The following DISC1 variants were observed in gnomAD, a reference collection of about 807,000 sequenced individuals.
DISC1 encodes disrupted in schizophrenia 1 protein.
A neutral mutation model predicts 84.5 loss-of-function variants in DISC1; 57 were observed. The ratio of observed to expected loss-of-function variants is 0.67; its 90% CI spans 0.55 to 0.84. The LOEUF (loss-of-function observed/expected upper bound fraction) is 0.84, where lower values mean the gene tolerates loss of function less well. Among genes scored for constraint, DISC1 ranks in the 40% least tolerant of loss-of-function variants. The probability of loss-of-function intolerance (pLI) is 0.00; values close to 1 mark genes in which losing one functional copy is unlikely to be tolerated. For synonymous variants in DISC1, 411 were observed against 415.2 expected, an observed-to-expected ratio of 0.99 and a Z score of 0.12; for missense variants, 1,000 against 1,057.8, an observed-to-expected ratio of 0.95 and a Z score of 0.76.
chr1:231,730,192 C>T (rs908358627), intron 3 of DISC1, among the ~76,000 whole-genome samples: 1 of 152,188 alleles, frequency 6.6e-6, no homozygotes, highest in Non-Finnish European at 1.5e-5. Context: ...ACAGTGAACA[C>T]TGACTGCAAC....
In DISC1 at chr1:232,040,513, C is replaced by A. The variant is rs1379685446; in HGVS notation, c.*3682C>A. The A allele has an allele frequency of 6.6e-6, 1 of 152,114 alleles. No individual in the cohort carries two copies. The highest frequency in any genetic ancestry group is 1.5e-5 in the Non-Finnish European group (1 of 68,022). The allele number at this position is 152,114 out of a possible 1,614,324, so 9.4% of individuals were successfully genotyped here. ...GTGTTTGTAGATGATGCAACTGAGCCTTAAGAGGACTAATTCCCTTTTTCT... is the reference window on the plus strand; with the variant it reads ...GTGTTTGTAGATGATGCAACTGAGCATTAAGAGGACTAATTCCCTTTTTCT... On this transcript the variant is annotated 3_prime_UTR_variant, in exon 13 of 13. Coordinates refer to ENST00000439617, the MANE Select transcript of DISC1 (RefSeq NM_018662.3).
At chr1:231,848,301 T>C (rs376813001) in intron 9 of DISC1, among the ~76,000 whole-genome samples, 9 of 152,184 alleles carry the variant, frequency 5.9e-5, no homozygotes, top group East Asian at 3.9e-4. Context: ...ACTGTATTCA[T>C]ACCCTGCAGT....
At chr1:231,749,715 GA>G (rs2074393176) in intron 3 of DISC1, among the ~76,000 whole-genome samples, 2 of 152,198 alleles carry the variant, frequency 1.3e-5, no homozygotes, top group Admixed American at 1.3e-4. Context: ...AGAGTTAAAA[GA>G]ATAAAAGATA....
chr1:231,776,635 C>T (rs1413968074), intron 6 of DISC1, among the ~76,000 whole-genome samples: 1 of 152,218 alleles, frequency 6.6e-6, no homozygotes, highest in East Asian at 1.9e-4. Context: ...CAGGGTGCTG[C>T]AGGCATCCTC....
intron 1 of DISC1, among the ~76,000 whole-genome samples, chr1:231,655,368 G>A (rs1222333657): frequency 6.6e-6 from 1 of 152,176 alleles, no homozygotes; most frequent in East Asian, 1.9e-4. Context: ...CCACTCCTGA[G>A]TTAGTTCACT....
At chr1:231,865,759 A>C (rs12058141) in intron 9 of DISC1, among the ~76,000 whole-genome samples, 1,667 of 152,346 alleles carry the variant, frequency 0.011, 33 homozygotes, top group African/African-American at 0.038. Flanking sequence ...GAAACAGTAC[A>C]TGAGAGAAGT....
intron 9 of DISC1, among the ~76,000 whole-genome samples, chr1:231,921,058 C>A (rs1378894764): frequency 6.6e-6 from 1 of 151,954 alleles, no homozygotes; most frequent in Non-Finnish European, 1.5e-5. Flanking sequence ...AGGCATGCGC[C>A]ACCAAGCCTG....
rs776775347 is a variant in DISC1, at chr1:231,767,246, C to G, written c.1375C>G (p.Leu459Val). The stretch of plus-strand genomic sequence containing the variant: ...GTCCATCACGAGACGAGACTGGCTT[C>G]TTCAGGAAAAGCAGCAGCTACAGGT... ...HVSITRRDWLLQEKQQLQKEI... is the reference protein window; with the variant it reads ...HVSITRRDWLVQEKQQLQKEI... The change falls in exon 5 of 13, where the codon CTT (leucine) becomes GTT (valine). Residue 459 changes from leucine (L) to valine (V), a missense_variant. Leu to Val is a conservative substitution (Grantham distance 32). Around this residue, in one of 3 missense-constraint regions of DISC1, gnomAD observed 311 missense variants for 400.1 expected, o/e 0.78. Transcript: ENST00000439617. The G allele has an allele frequency of 9.3e-6, 15 of 1,614,062 alleles. No individual in the cohort carries two copies. The Admixed American group carries it at 2.5e-4, about 27-fold the overall frequency.
intron 1 of DISC1, among the ~76,000 whole-genome samples, chr1:231,644,863 G>A (rs945384587): frequency 6.6e-6 from 1 of 151,628 alleles, no homozygotes; most frequent in Non-Finnish European, 1.5e-5. Flanking sequence ...CATTTAGCAC[G>A]TGGACTCTCT....
rs1327160334 is a variant in DISC1 at position 231,998,110 on chromosome 1, T to G, written c.2043-10675T>G. ...AAAATCAAAGAATGCAAAGTTTAAT[T>G]ATTTTAAGTTTCAGTAAATGCATTG... On this transcript the variant is annotated intron_variant, in intron 10 of 12. Transcript: ENST00000439617. Among the ~76,000 whole-genome samples the G allele has an allele frequency of 2.6e-5, 4 of 152,214 alleles. No individual in the cohort carries two copies. In the East Asian group the frequency reaches 7.7e-4, roughly 29 times the overall value.
At chr1:231,811,992 C>T (rs201875438) in intron 8 of DISC1, among the ~76,000 whole-genome samples, 181 of 152,272 alleles carry the variant, frequency 1.2e-3, no homozygotes, top group South Asian at 6.4e-3. Context: ...ATTGGATTCT[C>T]AAATAATGAC....
At chr1:231,856,799 G>C (rs2084302617) in intron 9 of DISC1, among the ~76,000 whole-genome samples, 1 of 152,212 alleles carries the variant, frequency 6.6e-6, no homozygotes, top group South Asian at 2.1e-4. Context: ...GGTGGCAGGG[G>C]AGTCCCCAGA....
At chr1:232,034,445 C>A (rs1670335839) in intron 12 of DISC1, among the ~76,000 whole-genome samples, 1 of 152,190 alleles carries the variant, frequency 6.6e-6, no homozygotes, top group South Asian at 2.1e-4. Context: ...TTTTCTGACA[C>A]CTTCTGTGTT....
In DISC1 at chr1:231,826,090, A is replaced by T. The variant is rs961544927; in HGVS notation, c.1981+7573A>T. Among the ~76,000 whole-genome samples, 1 of 152,208 alleles carries T rather than the reference A, an allele frequency of 6.6e-6. No individual in the cohort carries two copies. The highest frequency in any genetic ancestry group is 2.4e-5 in the African/African-American group (1 of 41,454). ...TTTCTCAAGCACTTGAGAACTAAGC[A>T]CTGTGCTAAGACTTGACATACTTTA... On this transcript the variant is annotated intron_variant, in intron 9 of 12. Coordinates refer to ENST00000439617, the MANE Select transcript of DISC1 (RefSeq NM_018662.3). This position sits in a 1 kb window ranked among gnomAD's most constrained non-coding sequence, Gnocchi z 4.2.
intron 9 of DISC1, among the ~76,000 whole-genome samples, chr1:231,896,232 C>T (rs374252634): frequency 1.3e-5 from 2 of 152,250 alleles, no homozygotes; most frequent in Admixed American, 6.5e-5. Context: ...AGAGTGGCCT[C>T]CTGGATGCAG....
At chr1:232,005,374 G>A (rs1230794714) in intron 10 of DISC1, among the ~76,000 whole-genome samples, 1 of 152,112 alleles carries the variant, frequency 6.6e-6, no homozygotes, top group Non-Finnish European at 1.5e-5. Context: ...TTTTAAAGAT[G>A]TTTTATTGTC....
rs766129985 is a variant in DISC1 at position 231,771,009 on chromosome 1, G to T, written c.1573G>T (p.Asp525Tyr). The change falls in exon 6 of 13, where the codon GAC becomes TAC. Residue 525 changes from aspartate to tyrosine, a missense_variant. Asp to Tyr is a radical substitution (Grantham distance 160, BLOSUM62 -3). This residue lies in a region of DISC1 where 311 missense variants were observed against 400.1 expected (regional missense o/e 0.78). Coordinates refer to ENST00000439617, the MANE Select transcript of DISC1 (RefSeq NM_018662.3). ...QLQEVSKALQ[D>Y]TLASAGQIPF... ...GCAGGAGGTCAGCAAGGCCTTGCAG[G>T]ACACCCTGGCCTCAGCCGGTCAGAT... is the stretch of plus-strand genomic sequence containing the variant. 3.1e-6 allele frequency: 5 copies of T among 1,612,814 alleles called. No homozygotes were observed. The Admixed American group carries it at 8.4e-5, about 27-fold the overall frequency.
intron 1 of DISC1, among the ~76,000 whole-genome samples, chr1:231,638,486 C>T (rs1361632241): frequency 6.6e-6 from 1 of 152,184 alleles, no homozygotes; most frequent in Non-Finnish European, 1.5e-5. Context: ...ATTTATAAGA[C>T]TTTAATTCAT....
chr1:231,819,190 G>A, intron 9 of DISC1: 6 of 915,892 alleles, frequency 6.6e-6, no homozygotes, highest in Non-Finnish European at 7.8e-6. Context: ...CTAAATAAAT[G>A]TCATTTACTA....
Sources: allele counts gnomAD v4.1 joint callset (sites outside exome capture counted in the v4.1 genomes callset), GRCh38; gene constraint gnomAD v4.1.1; regional missense constraint gnomAD v4.1.1; non-coding constraint Gnocchi (gnomAD v3.1); transcripts MANE v1.5; gene names NCBI Gene and HGNC (gene_info 2026-07-23, HGNC 2026-07-21).